The following FRZB variants were observed in gnomAD, a reference collection of about 807,000 sequenced individuals.
The protein encoded by FRZB is frizzled related protein.
Under a neutral mutation model 32.5 loss-of-function variants are expected in FRZB, and 34 were observed. The observed-to-expected ratio is 1.05, with a 90% CI of 0.80 to 1.39. The LOEUF is 1.39. Ranked by LOEUF, FRZB falls within the 40% of genes most tolerant of loss-of-function variation. FRZB has a pLI of 0.00. For missense variants in FRZB, 423 were observed against 424.8 expected, an observed-to-expected ratio of 1.00 and a Z score of 0.04; for synonymous variants, 170 against 159.2, an observed-to-expected ratio of 1.07 and a Z score of -0.51.
chr2:182,862,905 G>A (rs1478286471), intron 1 of FRZB, among the ~76,000 whole-genome samples: 1 of 152,010 alleles, frequency 6.6e-6, no homozygotes. Context: ...GAGTAGCTGG[G>A]ACGACAGGCA....
intron 2 of FRZB, among the ~76,000 whole-genome samples, chr2:182,847,491 C>T (rs1255561423): frequency 6.6e-6 from 1 of 152,068 alleles, no homozygotes; most frequent in Non-Finnish European, 1.5e-5. Flanking sequence ...GAAAAGGGTC[C>T]ACTAAATTCA....
chr2:182,866,594 G>C lies in FRZB; in HGVS notation c.-42C>G, dbSNP rs199504889. Reference sequence around the variant, plus strand: ...GGCAGGGTGCAGCCGCGCAGTGGACGCCAAAAGGCCCGCTCCGCCGTCTCC... The same window carrying C: ...GGCAGGGTGCAGCCGCGCAGTGGACCCCAAAAGGCCCGCTCCGCCGTCTCC... On this transcript the variant is annotated 5_prime_UTR_variant, in exon 1 of 6. Transcript: ENST00000295113. The surrounding 1 kb of genome is among the most constrained non-coding windows in gnomAD (Gnocchi z 4.5). 7.5e-7 allele frequency: 1 copy of C among 1,328,344 alleles called. No homozygotes were observed. Among genetic ancestry groups the C allele is most frequent in the East Asian group, 2.6e-5 (1 of 38,818 alleles). The allele number at this position is 1,328,344 out of a possible 1,614,324, so 82.3% of individuals were successfully genotyped here. A position where few individuals can be genotyped will look rare whatever the true frequency, so the allele number is the denominator to read the frequency against.
intron 5 of FRZB, among the ~76,000 whole-genome samples, chr2:182,836,194 G>GA (rs1695523844): frequency 6.6e-6 from 1 of 151,900 alleles, no homozygotes; most frequent in South Asian, 2.1e-4. Context: ...CCATTTGCAT[G>GA]AAAAAAACAT....
chr2:182,839,572 CA>C (rs1000432372), intron 3 of FRZB, among the ~76,000 whole-genome samples: 7 of 152,124 alleles, frequency 4.6e-5, no homozygotes, highest in African/African-American at 1.7e-4. Flanking sequence ...CCTTCAGTTG[CA>C]AAGTTAAAGT....
At chr2:182,851,156 C>G (rs1046031720) in intron 2 of FRZB, among the ~76,000 whole-genome samples, 1 of 151,744 alleles carries the variant, frequency 6.6e-6, no homozygotes, top group Non-Finnish European at 1.5e-5. Flanking sequence ...CAAATATTTT[C>G]CCTCATTCTA....
chr2:182,843,790 G>A (rs1695610749), intron 2 of FRZB, among the ~76,000 whole-genome samples: 1 of 152,130 alleles, frequency 6.6e-6, no homozygotes, highest in African/African-American at 2.4e-5. Context: ...AAATCAGCTG[G>A]TGTGGTGGCG....
intron 1 of FRZB, among the ~76,000 whole-genome samples, chr2:182,860,753 G>A (rs1293024562): frequency 1.3e-5 from 2 of 151,766 alleles, no homozygotes; most frequent in East Asian, 1.9e-4. Flanking sequence ...TGTAGTCCCA[G>A]CTACTCAGGA....
chr2:182,840,687 G>A (rs1695577644), intron 3 of FRZB, among the ~76,000 whole-genome samples: 1 of 152,016 alleles, frequency 6.6e-6, no homozygotes, highest in African/African-American at 2.4e-5. Flanking sequence ...CAGACAAATG[G>A]CAATCCTGAA....
At chr2:182,843,910 G>T (rs1695611931) in intron 2 of FRZB, among the ~76,000 whole-genome samples, 1 of 150,854 alleles carries the variant, frequency 6.6e-6, no homozygotes, top group Non-Finnish European at 1.5e-5. Context: ...CAGACTGGGT[G>T]ATAGAGTAAG....
chr2:182,851,171 T>C (rs528912844), intron 2 of FRZB, among the ~76,000 whole-genome samples: 1 of 152,216 alleles, frequency 6.6e-6, no homozygotes, highest in Non-Finnish European at 1.5e-5. Context: ...ATTCTATGGA[T>C]TGTCTTTTCA....
intron 5 of FRZB, 98 bp from the exon 6 acceptor site, chr2:182,835,063 C>A (rs938372703): frequency 2.3e-6 from 2 of 859,882 alleles, no homozygotes; most frequent in African/African-American, 3.4e-5. Context: ...GTTCAGATCT[C>A]TGAAGCATTT....
intron 3 of FRZB, among the ~76,000 whole-genome samples, chr2:182,839,108 G>A (rs573720382): frequency 1.3e-5 from 2 of 152,024 alleles, no homozygotes; most frequent in African/African-American, 4.8e-5. Flanking sequence ...TCAAGTAGTG[G>A]GCCTCTGTAA....
At chr2:182,854,151 G>T (rs537890586) in intron 2 of FRZB, among the ~76,000 whole-genome samples, 87 of 152,284 alleles carry the variant, frequency 5.7e-4, no homozygotes, top group African/African-American at 2.0e-3. Flanking sequence ...AAGGGTGGGG[G>T]TAGTGACTTG....
chr2:182,845,981 C>A (rs557162251), intron 2 of FRZB, among the ~76,000 whole-genome samples: 57 of 152,202 alleles, frequency 3.7e-4, no homozygotes, highest in Non-Finnish European at 6.9e-4. Flanking sequence ...AGGGGAAATG[C>A]CCCATGATAC....
chr2:182,838,373 A>G (rs1439913961), intron 4 of FRZB, 36 bp downstream of exon 4: 8 of 1,533,264 alleles, frequency 5.2e-6, no homozygotes, highest in Non-Finnish European at 7.2e-6. Flanking sequence ...TAGGATAAGC[A>G]AAGTAGTTAT....
At chr2:182,862,153 C>T (rs554560885) in intron 1 of FRZB, among the ~76,000 whole-genome samples, 5 of 152,248 alleles carry the variant, frequency 3.3e-5, no homozygotes, top group Non-Finnish European at 4.4e-5. Context: ...AGTGGAGAAA[C>T]GATTAAATGG....
chr2:182,850,245 T>C (rs998305851), intron 2 of FRZB, among the ~76,000 whole-genome samples: 12 of 152,230 alleles, frequency 7.9e-5, no homozygotes, highest in African/African-American at 2.9e-4. Flanking sequence ...TGTGAATTAT[T>C]GTACATATTG....
chr2:182,862,973 T>C (rs1341506969), intron 1 of FRZB, among the ~76,000 whole-genome samples: 1 of 152,096 alleles, frequency 6.6e-6, no homozygotes, highest in Non-Finnish European at 1.5e-5. Flanking sequence ...TTTCACCATG[T>C]TGGCCAAGCT....
intron 5 of FRZB, among the ~76,000 whole-genome samples, chr2:182,835,628 G>T (rs1695516321): frequency 6.6e-6 from 1 of 152,058 alleles, no homozygotes; most frequent in Non-Finnish European, 1.5e-5. Context: ...TGTAATTTAA[G>T]TTAAATGGAA....
Sources: gnomAD v4.1 joint callset for allele counts (sites outside exome capture counted in the v4.1 genomes callset) on GRCh38, gnomAD v4.1.1 for gene constraint, Gnocchi (gnomAD v3.1) non-coding constraint, MANE v1.5 for transcripts, NCBI Gene and HGNC (gene_info 2026-07-23, HGNC 2026-07-21) for gene names.